Variants in TMEM132D observed in about 807,000 individuals in gnomAD.
TMEM132D encodes mature OL transmembrane protein.
TMEM132D carries 21 observed loss-of-function variants against 62.3 expected under a neutral mutation model. That is an observed-to-expected ratio of 0.34 (90% CI 0.24 to 0.49). The LOEUF (loss-of-function observed/expected upper bound fraction) is 0.49, where lower values mean the gene tolerates loss of function less well. Among genes scored for constraint, TMEM132D ranks in the 20% least tolerant of loss-of-function variants. The probability of loss-of-function intolerance (pLI) is 0.99; values close to 1 mark genes in which losing one functional copy is unlikely to be tolerated. For synonymous variants in TMEM132D, 621 were observed against 575.6 expected (o/e 1.08, Z -1.13); for missense variants, 1,346 against 1,402.8 (o/e 0.96, Z 0.65).
intron 4 of TMEM132D, among the ~76,000 whole-genome samples, chr12:129,308,828 A>C (rs1311099451): frequency 2.6e-5 from 4 of 152,240 alleles, no homozygotes; most frequent in African/African-American, 9.6e-5. Context: ...AAAATGTCCT[A>C]GGTAAGATGT....
chr12:129,877,543 G>A (rs1255055334), intron 1 of TMEM132D, among the ~76,000 whole-genome samples: 1 of 152,154 alleles, frequency 6.6e-6, no homozygotes, highest in Non-Finnish European at 1.5e-5. Flanking sequence ...ACAGACATGG[G>A]TCAGAACAGC....
At chr12:129,464,198 T>A (rs1345323693) in intron 3 of TMEM132D, among the ~76,000 whole-genome samples, 6 of 151,962 alleles carry the variant, frequency 3.9e-5, no homozygotes, top group Non-Finnish European at 1.5e-5. Context: ...CTCATTGTGG[T>A]TTTGATTTGC....
chr12:129,263,287 C>G (rs989188199), intron 4 of TMEM132D, among the ~76,000 whole-genome samples: 5 of 152,144 alleles, frequency 3.3e-5, no homozygotes, highest in Admixed American at 6.5e-5. Flanking sequence ...AATGACCCAA[C>G]TTGGGTATCT....
chr12:129,553,026 C>T (rs7961507), intron 2 of TMEM132D, among the ~76,000 whole-genome samples: 132,324 of 152,198 alleles, frequency 0.87, 57,598 homozygotes, highest in East Asian at 0.99. Context: ...AAGGTCACGC[C>T]ACCATCCGAG....
rs1446802838 is a variant in TMEM132D, at chr12:129,903,471, G to T, written c.-132C>A. 1 of 923,878 alleles carries T rather than the reference G, an allele frequency of 1.1e-6. No homozygotes were observed. Among genetic ancestry groups the T allele is most frequent in the Non-Finnish European group, 1.6e-6 (1 of 612,702 alleles). 57.2% of individuals were successfully genotyped at this position (923,878 alleles called of 1,614,324 possible). A position where few individuals can be genotyped will look rare whatever the true frequency, so the allele number is the denominator to read the frequency against. Reference sequence around the variant, plus strand: ...GCCCGGCTAGGGGCCCGAGCAGCCCGGGCGCCCTGCTCCCTCTTCCCGCCA... The same window carrying T: ...GCCCGGCTAGGGGCCCGAGCAGCCCTGGCGCCCTGCTCCCTCTTCCCGCCA... On this transcript the variant is annotated 5_prime_UTR_variant, in exon 1 of 9. Transcript: ENST00000422113. The surrounding 1 kb of genome is among the most constrained non-coding windows in gnomAD (Gnocchi z 6.2).
rs959299581 is a variant in TMEM132D at position 129,226,190 on chromosome 12, T to C, written c.1300-16527A>G. ...AGACCAGTGAACTCTCAGTGAAGCATTGGAGGCTTGCGATAAGAAAGGGTG... is the reference window on the plus strand; with the variant it reads ...AGACCAGTGAACTCTCAGTGAAGCACTGGAGGCTTGCGATAAGAAAGGGTG... On this transcript the variant is annotated intron_variant, in intron 4 of 8. Coordinates refer to ENST00000422113, the MANE Select transcript of TMEM132D (RefSeq NM_133448.3). 1.1e-4 allele frequency among the ~76,000 whole-genome samples: 16 copies of C among 152,326 alleles called. No individual in the cohort carries two copies. In the East Asian group the frequency reaches 1.7e-3, roughly 17 times the overall value.
intron 3 of TMEM132D, among the ~76,000 whole-genome samples, chr12:129,428,277 C>T (rs771384809): frequency 6.6e-6 from 1 of 152,196 alleles, no homozygotes. Flanking sequence ...AAAGATGTTA[C>T]AGCACAACAG....
intron 3 of TMEM132D, among the ~76,000 whole-genome samples, chr12:129,453,083 T>A (rs182698649): frequency 9.9e-4 from 151 of 152,326 alleles, no homozygotes; most frequent in African/African-American, 3.5e-3. Context: ...CAAACCCTAT[T>A]GTGAACTGCG....
intron 1 of TMEM132D, among the ~76,000 whole-genome samples, chr12:129,734,406 C>CT (rs1403956636): frequency 2.0e-5 from 3 of 152,154 alleles, no homozygotes; most frequent in Non-Finnish European, 4.4e-5. Context: ...CAGTGAAGTA[C>CT]TTTTTTTCTG....
rs556029553 is a variant in TMEM132D at position 129,098,195 on chromosome 12, A to G, written c.1444-13493T>C. Among the ~76,000 whole-genome samples, 86 of 152,374 alleles carry G rather than the reference A, an allele frequency of 5.6e-4. 1 individual carries two copies. Among genetic ancestry groups the G allele is most frequent in the African/African-American group, 2.0e-3 (83 of 41,592 alleles). ...GACAATGTGGCATTGCTGAAGGAAT[A>G]GGTAAATTGATGAATAAGACAGAAA... On this transcript the variant is annotated intron_variant, in intron 5 of 8. Coordinates refer to ENST00000422113, the MANE Select transcript of TMEM132D (RefSeq NM_133448.3).
chr12:129,605,205 T>C (rs533970364), intron 2 of TMEM132D, among the ~76,000 whole-genome samples: 51 of 152,282 alleles, frequency 3.3e-4, no homozygotes, highest in African/African-American at 1.2e-3. Flanking sequence ...CAAAAACCCA[T>C]CAGTGTGCCA....
At chr12:129,580,517 T>C (rs1593074101) in intron 2 of TMEM132D, among the ~76,000 whole-genome samples, 1 of 152,204 alleles carries the variant, frequency 6.6e-6, no homozygotes, top group East Asian at 1.9e-4. Context: ...CTTAAAAACC[T>C]ACAGAAACAA....
rs553576522 is a variant in TMEM132D at position 129,265,531 on chromosome 12, G to A, written c.1300-55868C>T. Among the ~76,000 whole-genome samples the A allele has an allele frequency of 5.3e-5, 8 of 152,250 alleles. No homozygotes were observed. In the East Asian group the frequency reaches 1.4e-3, roughly 26 times the overall value. On this transcript the variant is annotated intron_variant, in intron 4 of 8. Transcript: ENST00000422113. ...CCCACACCCTCTCCATTGCCCTGGG[G>A]GTAAGCCCCGGTGTCCCTCCCGGCC...
intron 2 of TMEM132D, among the ~76,000 whole-genome samples, chr12:129,685,884 AT>A (rs1328129027): frequency 2.0e-5 from 3 of 152,210 alleles, no homozygotes; most frequent in Non-Finnish European, 4.4e-5. Context: ...GAACTTCAAG[AT>A]TAATTACCGC....
chr12:129,175,611 C>T (rs1486632), intron 5 of TMEM132D, among the ~76,000 whole-genome samples: 49,590 of 151,960 alleles, frequency 0.33, 8,585 homozygotes, highest in East Asian at 0.57. Flanking sequence ...GGGAGGCTGA[C>T]GCAAGAGAAT....
At chr12:129,133,104 T>G (rs1280383769) in intron 5 of TMEM132D, among the ~76,000 whole-genome samples, 1 of 152,042 alleles carries the variant, frequency 6.6e-6, no homozygotes, top group Non-Finnish European at 1.5e-5. Context: ...CAGTCGGGGG[T>G]TCCTCCCTAA....
chr12:129,675,860 C>A (rs56973223), intron 2 of TMEM132D, among the ~76,000 whole-genome samples: 4,744 of 152,216 alleles, frequency 0.031, 188 homozygotes, highest in African/African-American at 0.087. Flanking sequence ...GATGGACTTG[C>A]AGGGAAAAAC....
At chr12:129,672,729 A>G (rs1415550406) in intron 2 of TMEM132D, among the ~76,000 whole-genome samples, 1 of 152,142 alleles carries the variant, frequency 6.6e-6, no homozygotes, top group Non-Finnish European at 1.5e-5. Context: ...ATATTTTGGT[A>G]TACTGTTCCA....
At chr12:129,093,080 C>T (rs1874983796) in intron 5 of TMEM132D, among the ~76,000 whole-genome samples, 1 of 152,206 alleles carries the variant, frequency 6.6e-6, no homozygotes, top group Non-Finnish European at 1.5e-5. Flanking sequence ...CAAATGGATG[C>T]CATGCAGGAC....
Sources: allele counts gnomAD v4.1 joint callset (sites outside exome capture counted in the v4.1 genomes callset), GRCh38; gene constraint gnomAD v4.1.1; non-coding constraint Gnocchi (gnomAD v3.1); transcripts MANE v1.5; gene names NCBI Gene and HGNC (gene_info 2026-07-23, HGNC 2026-07-21).